Variants in KCNN2 observed in about 807,000 individuals in gnomAD.
KCNN2 encodes potassium calcium-activated channel subfamily N member 2, also known as small conductance calcium-activated potassium channel protein 2.
A neutral mutation model predicts 55.5 loss-of-function variants in KCNN2; 24 were observed. The observed-to-expected ratio is 0.43, with a 90% CI of 0.31 to 0.61. KCNN2 has a LOEUF of 0.61. Ranked by LOEUF, KCNN2 falls within the 20% of genes least tolerant of loss-of-function variation. KCNN2 has a pLI of 0.08. For missense variants in KCNN2, 754 were observed against 853.6 expected, an observed-to-expected ratio of 0.88 and a Z score of 1.45; for synonymous variants, 431 against 336.1, an observed-to-expected ratio of 1.28 and a Z score of -3.09.
intron 3 of KCNN2, among the ~76,000 whole-genome samples, chr5:114,452,920 T>C (rs907568741): frequency 3.3e-5 from 5 of 152,236 alleles, no homozygotes; most frequent in Non-Finnish European, 5.9e-5. Context: ...AAGCAGTTAT[T>C]TTATTTGCCT....
intron 1 of KCNN2, among the ~76,000 whole-genome samples, chr5:114,078,739 A>T (rs1263549140): frequency 6.6e-6 from 1 of 152,172 alleles, no homozygotes; most frequent in Non-Finnish European, 1.5e-5. Context: ...TATGGATAAG[A>T]TGTAGGTAGG....
chr5:114,267,052 G>A (rs1326317239), intron 2 of KCNN2, among the ~76,000 whole-genome samples: 2 of 143,716 alleles, frequency 1.4e-5, no homozygotes, highest in Non-Finnish European at 3.0e-5. Context: ...CTAGAGTGCA[G>A]TGGCACAATC....
At chr5:114,077,840 G>C (rs1386463) in intron 1 of KCNN2, among the ~76,000 whole-genome samples, 77,755 of 152,036 alleles carry the variant, frequency 0.51, 21,136 homozygotes, top group East Asian at 0.69. Context: ...ATCAGAGAAG[G>C]GGGGTGGTGA....
chr5:114,466,275 A>G (rs1264836022), intron 4 of KCNN2, among the ~76,000 whole-genome samples: 3 of 152,088 alleles, frequency 2.0e-5, no homozygotes, highest in African/African-American at 4.8e-5. Flanking sequence ...AGGGTTTACT[A>G]TTGTAAAGGT....
intron 2 of KCNN2, among the ~76,000 whole-genome samples, chr5:114,292,476 A>G (rs930443426): frequency 3.3e-5 from 5 of 152,208 alleles, no homozygotes; most frequent in African/African-American, 1.2e-4. Context: ...TGTTTTTGCC[A>G]GGTTTGTCAA....
chr5:114,171,896 G>T (rs974558334), intron 1 of KCNN2, among the ~76,000 whole-genome samples: 1 of 151,998 alleles, frequency 6.6e-6, no homozygotes, highest in Non-Finnish European at 1.5e-5. Context: ...AATTGTGTGT[G>T]TGAGGAAGGT....
chr5:114,107,738 A>G (rs1751518718), intron 1 of KCNN2, among the ~76,000 whole-genome samples: 1 of 152,022 alleles, frequency 6.6e-6, no homozygotes, highest in Non-Finnish European at 1.5e-5. Flanking sequence ...TCCACCATAA[A>G]TAAAACAGCT....
At chr5:114,305,183 G>A (rs1436012306) in intron 2 of KCNN2, among the ~76,000 whole-genome samples, 1 of 152,204 alleles carries the variant, frequency 6.6e-6, no homozygotes, top group Non-Finnish European at 1.5e-5. Flanking sequence ...GGTAGGGGCA[G>A]GGGGTAGTCT....
At chr5:114,340,668 ATG>A (rs3070942) in intron 2 of KCNN2, among the ~76,000 whole-genome samples, 46,219 of 150,478 alleles carry the variant, frequency 0.31, 7,246 homozygotes, top group Non-Finnish European at 0.35. Flanking sequence ...GTGTGTGTGC[ATG>A]TGTGTGTGTG....
intron 2 of KCNN2, among the ~76,000 whole-genome samples, chr5:114,374,229 C>T (rs138526003): frequency 2.8e-4 from 43 of 152,164 alleles, no homozygotes; most frequent in Non-Finnish European, 4.6e-4. Context: ...AATTAGGACC[C>T]TGGTGACTTA....
chr5:114,348,449 A>G (rs1757153804), intron 2 of KCNN2, among the ~76,000 whole-genome samples: 1 of 152,160 alleles, frequency 6.6e-6, no homozygotes, highest in South Asian at 2.1e-4. Context: ...AGAAGCCATT[A>G]CCAGTCATCT....
At position 114,363,088 on chromosome 5, in the gene KCNN2, A is replaced by G; in HGVS notation, c.949A>G (p.Ser317Gly). Residue 317 changes from serine to glycine, a missense_variant, in exon 1 of 8, where the codon AGT becomes GGT. By Grantham distance (56) the Ser-to-Gly change is moderately conservative (BLOSUM62 0). This residue lies in a region of KCNN2 where 381 missense variants were observed against 259.1 expected (regional missense o/e 1.47). Coordinates refer to ENST00000673685, the MANE Select transcript of KCNN2 (RefSeq NM_021614.4). ...GGGGSGHGSS[S>G]GTKSSKKKNQ... ...TGGCGGGAGCGGGCACGGCAGCAGCAGTGGCACCAAGTCCAGCAAAAAGAA... is the reference window on the plus strand; with the variant it reads ...TGGCGGGAGCGGGCACGGCAGCAGCGGTGGCACCAAGTCCAGCAAAAAGAA... 1 of 1,611,988 alleles carries G rather than the reference A, an allele frequency of 6.2e-7. No homozygotes were observed. Among genetic ancestry groups the G allele is most frequent in the South Asian group, 1.1e-5 (1 of 91,072 alleles).
intron 2 of KCNN2, among the ~76,000 whole-genome samples, chr5:114,252,873 G>A (rs1473217943): frequency 6.6e-6 from 1 of 152,006 alleles, no homozygotes; most frequent in African/African-American, 2.4e-5. Flanking sequence ...AAAGAGAAAT[G>A]GCAGTCAATG....
intron 2 of KCNN2, among the ~76,000 whole-genome samples, chr5:114,277,583 A>T (rs1471401877): frequency 6.6e-6 from 1 of 152,146 alleles, no homozygotes; most frequent in South Asian, 2.1e-4. Flanking sequence ...TATTTCATTA[A>T]TTTGATTTTC....
Position 114,363,060 on chromosome 5 carries a change from C to T in KCNN2, c.921C>T (p.Gly307=). 1 of 1,608,296 alleles carries T rather than the reference C, an allele frequency of 6.2e-7. No homozygotes were observed. The highest frequency in any genetic ancestry group is 8.5e-7 in the Non-Finnish European group (1 of 1,178,916). The change falls in exon 1 of 8, where the codon GGC becomes GGT. Residue 307 remains glycine (G), a synonymous_variant. Coordinates refer to ENST00000673685, the MANE Select transcript of KCNN2 (RefSeq NM_021614.4). ...GAGGCAGCACTGGAGGAGGCGGCGG[C>T]GGTGGCGGGAGCGGGCACGGCAGCA... The part of the protein sequence containing the change: ...GGGGSTGGGG[G]GGGSGHGSSS...
intron 1 of KCNN2, among the ~76,000 whole-genome samples, chr5:114,137,216 A>G (rs1752191558): frequency 6.6e-6 from 1 of 152,174 alleles, no homozygotes; most frequent in South Asian, 2.1e-4. Flanking sequence ...TAATTTGCAT[A>G]TTAGAGATAA....
chr5:114,360,762 G>C (rs114166145), upstream of KCNN2, among the ~76,000 whole-genome samples: 728 of 152,248 alleles, frequency 4.8e-3, 4 homozygotes, highest in African/African-American at 0.017. Flanking sequence ...CTCCAGCACT[G>C]TCCGTGGGCA....
chr5:114,269,092 G>A (rs2150007335), intron 2 of KCNN2, among the ~76,000 whole-genome samples: 1 of 151,982 alleles, frequency 6.6e-6, no homozygotes, highest in South Asian at 2.1e-4. Context: ...CACACACAGG[G>A]CGCCCTGTCC....
intron 5 of KCNN2, among the ~76,000 whole-genome samples, chr5:114,486,470 G>A (rs1747542564): frequency 6.6e-6 from 1 of 152,172 alleles, no homozygotes; most frequent in African/African-American, 2.4e-5. Context: ...TTGAAATACA[G>A]TGTACTTAAA....
Sources: allele counts gnomAD v4.1 joint callset (sites outside exome capture counted in the v4.1 genomes callset), GRCh38; gene constraint gnomAD v4.1.1; regional missense constraint gnomAD v4.1.1; transcripts MANE v1.5; gene names NCBI Gene and HGNC (gene_info 2026-07-23, HGNC 2026-07-21).